Variants in DPP10 observed in about 807,000 individuals in gnomAD.
DPP10 encodes the protein inactive dipeptidyl peptidase 10.
Under a neutral mutation model 120.9 loss-of-function variants are expected in DPP10, and 33 were observed. That is an observed-to-expected ratio of 0.27 (90% CI 0.21 to 0.37). The LOEUF (loss-of-function observed/expected upper bound fraction) is 0.37. Ranked by LOEUF, DPP10 falls within the 10% of genes least tolerant of loss-of-function variation. DPP10 has a pLI of 1.00. For synonymous variants in DPP10, 337 were observed against 326.1 expected (o/e 1.03, Z -0.36); for missense variants, 816 against 942.8 (o/e 0.87, Z 1.76).
chr2:115,336,036 C>G (rs2063108438), intron 2 of DPP10, among the ~76,000 whole-genome samples: 1 of 151,978 alleles, frequency 6.6e-6, no homozygotes. Context: ...TTCTAAACCT[C>G]TGATATCAAG....
chr2:115,051,996 AT>A (rs1705523361), intron 1 of DPP10, among the ~76,000 whole-genome samples: 1 of 152,236 alleles, frequency 6.6e-6, no homozygotes, highest in South Asian at 2.1e-4. Flanking sequence ...ATAAAATTAA[AT>A]AAAGAATTCG....
intron 3 of DPP10, among the ~76,000 whole-genome samples, chr2:115,349,426 T>C (rs2063880571): frequency 6.6e-6 from 1 of 151,680 alleles, no homozygotes; most frequent in South Asian, 2.1e-4. Flanking sequence ...AGCAAAAATA[T>C]GTAAAAAGTG....
intron 1 of DPP10, among the ~76,000 whole-genome samples, chr2:114,510,097 T>A (rs556777897): frequency 6.6e-5 from 10 of 151,650 alleles, no homozygotes; most frequent in Non-Finnish European, 1.2e-4. Context: ...ACTCCAGGAG[T>A]TATAAGAGAG....
chr2:115,618,293 A>G (rs1349744264), intron 5 of DPP10, among the ~76,000 whole-genome samples: 3 of 152,220 alleles, frequency 2.0e-5, no homozygotes, highest in African/African-American at 7.2e-5. Context: ...TATCTAAAAT[A>G]TACATTGAGT....
At chr2:115,564,266 GTTTTAT>G (rs1242608193) in intron 5 of DPP10, among the ~76,000 whole-genome samples, 1 of 129,606 alleles carries the variant, frequency 7.7e-6, no homozygotes. Flanking sequence ...GTTTTTAAAT[GTTTTAT>G]TTTTATTTTA....
intron 21 of DPP10, among the ~76,000 whole-genome samples, chr2:115,828,181 A>G (rs900521747): frequency 2.0e-5 from 3 of 152,048 alleles, no homozygotes; most frequent in Admixed American, 2.0e-4. Flanking sequence ...TTCTTATTCT[A>G]TACTGTAAAG....
intron 19 of DPP10, among the ~76,000 whole-genome samples, chr2:115,813,425 G>A (rs115010672): frequency 2.6e-4 from 40 of 152,056 alleles, no homozygotes; most frequent in South Asian, 4.1e-4. Context: ...TTTTGTGTGT[G>A]CAAATTTCCT....
chr2:115,593,858 G>A (rs1441338620), intron 5 of DPP10, among the ~76,000 whole-genome samples: 1 of 152,108 alleles, frequency 6.6e-6, no homozygotes, highest in Non-Finnish European at 1.5e-5. Flanking sequence ...TGTTCATATA[G>A]GCTTTTAGAC....
chr2:115,605,076 A>G (rs890892572), intron 5 of DPP10, among the ~76,000 whole-genome samples: 6 of 152,190 alleles, frequency 3.9e-5, no homozygotes, highest in Admixed American at 2.6e-4. Flanking sequence ...AGTTACAGAG[A>G]AAACAATCTC....
chr2:115,330,760 TTTCTG>T (rs2062677300), intron 2 of DPP10, among the ~76,000 whole-genome samples: 1 of 150,676 alleles, frequency 6.6e-6, no homozygotes, highest in Non-Finnish European at 1.5e-5. Context: ...TGTGGTACTA[TTTCTG>T]TTCTGTTCCA....
chr2:115,705,180 A>G (rs530589272), intron 7 of DPP10, among the ~76,000 whole-genome samples: 2 of 152,060 alleles, frequency 1.3e-5, no homozygotes, highest in African/African-American at 4.8e-5. Context: ...ACTAATAACA[A>G]TTGTGAACTA....
At chr2:115,653,277 A>C (rs981511291) in intron 5 of DPP10, among the ~76,000 whole-genome samples, 1 of 152,016 alleles carries the variant, frequency 6.6e-6, no homozygotes, top group Non-Finnish European at 1.5e-5. Context: ...ACATACATTA[A>C]AATTTGTTTA....
intron 1 of DPP10, among the ~76,000 whole-genome samples, chr2:115,274,960 G>A (rs910655402): frequency 6.6e-6 from 1 of 152,134 alleles, no homozygotes; most frequent in African/African-American, 2.4e-5. Flanking sequence ...TCTATTCACA[G>A]AATAGAATCC....
chr2:114,834,572 T>C (rs917291884), intron 1 of DPP10, among the ~76,000 whole-genome samples: 1 of 145,720 alleles, frequency 6.9e-6, no homozygotes, highest in Non-Finnish European at 1.5e-5. Flanking sequence ...CCTATGTATA[T>C]ATAAGCCATA....
At chr2:115,616,400 T>C (rs1201780241) in intron 5 of DPP10, among the ~76,000 whole-genome samples, 1 of 151,790 alleles carries the variant, frequency 6.6e-6, no homozygotes, top group Admixed American at 6.6e-5. Flanking sequence ...GCCGCTACTA[T>C]GTAAGGAATT....
chr2:115,091,532 C>T (rs1047133626), intron 1 of DPP10, among the ~76,000 whole-genome samples: 11 of 151,960 alleles, frequency 7.2e-5, no homozygotes, highest in Non-Finnish European at 1.3e-4. Flanking sequence ...TCGCCTTCTC[C>T]CCCCTCAACC....
intron 9 of DPP10, among the ~76,000 whole-genome samples, chr2:115,744,973 T>C (rs1167654155): frequency 6.6e-6 from 1 of 150,442 alleles, no homozygotes; most frequent in Non-Finnish European, 1.5e-5. Context: ...ACCTTATTGG[T>C]ACTTAATGGC....
Position 115,834,379 on chromosome 2 carries a change from A to G in DPP10, c.1951-1778A>G, listed in dbSNP as rs573512327. On this transcript the variant is annotated intron_variant, in intron 21 of 25. Coordinates refer to ENST00000410059, the MANE Select transcript of DPP10 (RefSeq NM_020868.6). ...TGAACAAACTGCATCAGAATTTCTG[A>G]GATTGAGGCCTGAATGTTAATATTT... Among the ~76,000 whole-genome samples the G allele has an allele frequency of 8.9e-4, 136 of 152,328 alleles. 1 individual carries two copies. Among genetic ancestry groups the G allele is most frequent in the African/African-American group, 3.0e-3 (124 of 41,568 alleles).
intron 1 of DPP10, among the ~76,000 whole-genome samples, chr2:114,871,189 T>G (rs866638907): frequency 1.2e-5 from 1 of 84,854 alleles, no homozygotes; most frequent in Non-Finnish European, 2.7e-5. Flanking sequence ...TCTTTTTCTT[T>G]TTTGGAGAGG....
Sources: allele counts gnomAD v4.1 joint callset (sites outside exome capture counted in the v4.1 genomes callset), GRCh38; gene constraint gnomAD v4.1.1; transcripts MANE v1.5; gene names NCBI Gene and HGNC (gene_info 2026-07-23, HGNC 2026-07-21).